Variants in CCSER1 observed in about 807,000 individuals in gnomAD.
CCSER1 encodes the protein serine-rich coiled-coil domain-containing protein 1.
In CCSER1, 41 loss-of-function variants were observed where a neutral mutation model predicts 82.0. The observed-to-expected ratio is 0.50, with a 90% confidence interval of 0.39 to 0.65. The LOEUF is 0.65. Ranked by LOEUF, CCSER1 falls within the 30% of genes least tolerant of loss-of-function variation. The probability of loss-of-function intolerance (pLI) is 0.00; values close to 1 mark genes in which losing one functional copy is unlikely to be tolerated. For missense variants in CCSER1, 1,119 were observed against 1,064.2 expected (o/e 1.05, Z -0.72); for synonymous variants, 414 against 383.9 (o/e 1.08, Z -0.92).
At chr4:90,546,146 A>G (rs1307292239) in intron 5 of CCSER1, among the ~76,000 whole-genome samples, 1 of 152,094 alleles carries the variant, frequency 6.6e-6, no homozygotes, top group African/African-American at 2.4e-5. Context: ...TAGACCTAAG[A>G]AAGTGAAGCT....
At chr4:90,451,914 A>G (rs570891949) in intron 4 of CCSER1, among the ~76,000 whole-genome samples, 1 of 152,298 alleles carries the variant, frequency 6.6e-6, no homozygotes, top group Admixed American at 6.5e-5. Context: ...ACTTAATGAG[A>G]GACCCATTGG....
chr4:90,814,446 T>C (rs1758742389), intron 7 of CCSER1, among the ~76,000 whole-genome samples: 1 of 152,234 alleles, frequency 6.6e-6, no homozygotes, highest in Non-Finnish European at 1.5e-5. Flanking sequence ...TGCAGTCATC[T>C]TGAATTTTTC....
At chr4:91,597,086 AT>A (rs1707159914) in intron 10 of CCSER1, among the ~76,000 whole-genome samples, 1 of 152,008 alleles carries the variant, frequency 6.6e-6, no homozygotes, top group Non-Finnish European at 1.5e-5. Context: ...TTTTAGAAAA[AT>A]GTGATGAAGT....
intron 10 of CCSER1, among the ~76,000 whole-genome samples, chr4:91,096,675 C>T (rs1228861449): frequency 2.6e-5 from 4 of 152,124 alleles, no homozygotes; most frequent in East Asian, 3.9e-4. Context: ...ATAGTGACTC[C>T]ATAGTCTCCT....
chr4:90,354,504 C>T (rs1476903689), intron 3 of CCSER1, among the ~76,000 whole-genome samples: 3 of 151,952 alleles, frequency 2.0e-5, no homozygotes, highest in African/African-American at 7.3e-5. Flanking sequence ...CACACAAACA[C>T]ACACACGCAC....
chr4:90,219,672 T>C (rs1174816235), intron 1 of CCSER1, among the ~76,000 whole-genome samples: 1 of 152,136 alleles, frequency 6.6e-6, no homozygotes, highest in African/African-American at 2.4e-5. Flanking sequence ...CCACTACTTG[T>C]ATTGGGCATA....
chr4:90,623,915 C>CAGGAGA (rs2148892924), intron 5 of CCSER1, among the ~76,000 whole-genome samples: 1 of 152,236 alleles, frequency 6.6e-6, no homozygotes, highest in Admixed American at 6.5e-5. Context: ...TTGTGCTGGT[C>CAGGAGA]TTAGAATTAT....
At chr4:90,466,923 T>A (rs987606836) in intron 4 of CCSER1, among the ~76,000 whole-genome samples, 5 of 152,158 alleles carry the variant, frequency 3.3e-5, no homozygotes, top group African/African-American at 1.2e-4. Context: ...TCATAGACAA[T>A]TGAAATAGCC....
intron 7 of CCSER1, among the ~76,000 whole-genome samples, chr4:90,727,013 T>C (rs542320730): frequency 6.6e-6 from 1 of 152,160 alleles, no homozygotes; most frequent in Non-Finnish European, 1.5e-5. Flanking sequence ...CTTCCACATA[T>C]ACTACACATA....
chr4:91,463,045 G>A (rs182481309), intron 10 of CCSER1, among the ~76,000 whole-genome samples: 1,580 of 152,210 alleles, frequency 0.01, 12 homozygotes, highest in Middle Eastern at 0.02. Flanking sequence ...ATATGAGAAC[G>A]GACAGACTGC....
chr4:91,566,160 G>A (rs1762876622), intron 10 of CCSER1, among the ~76,000 whole-genome samples: 1 of 152,058 alleles, frequency 6.6e-6, no homozygotes, highest in Non-Finnish European at 1.5e-5. Context: ...TGTGGTTTTT[G>A]TCTTTAGTTC....
intron 10 of CCSER1, among the ~76,000 whole-genome samples, chr4:91,491,479 C>T (rs1206277542): frequency 6.6e-6 from 1 of 151,842 alleles, no homozygotes; most frequent in African/African-American, 2.4e-5. Flanking sequence ...AATAATGCAA[C>T]AAAATGAAGA....
At chr4:91,430,354 C>T (rs1049136006) in intron 10 of CCSER1, among the ~76,000 whole-genome samples, 7 of 152,120 alleles carry the variant, frequency 4.6e-5, no homozygotes, top group Non-Finnish European at 1.0e-4. Context: ...TTATTTGAAA[C>T]GTATTAGATT....
At chr4:90,933,180 T>TGTGA (rs1730442541) in intron 9 of CCSER1, among the ~76,000 whole-genome samples, 1 of 102,642 alleles carries the variant, frequency 9.7e-6, no homozygotes, top group Admixed American at 1.0e-4. Context: ...TGTGTGTGTG[T>TGTGA]GTGATTTTAT....
At chr4:90,724,736 A>G in intron 7 of CCSER1, 1 of 324,598 alleles carries the variant, frequency 3.1e-6, no homozygotes, top group Non-Finnish European at 6.1e-6. Flanking sequence ...CACTGATTTC[A>G]GTATAGTTTG....
At chr4:90,792,021 T>C (rs576089456) in intron 7 of CCSER1, among the ~76,000 whole-genome samples, 6 of 152,358 alleles carry the variant, frequency 3.9e-5, no homozygotes, top group African/African-American at 1.4e-4. Flanking sequence ...GGTATGCCCA[T>C]ATATAGTATT....
chr4:90,598,365 C>T (rs564891655), intron 5 of CCSER1, among the ~76,000 whole-genome samples: 11 of 152,178 alleles, frequency 7.2e-5, no homozygotes, highest in Admixed American at 6.6e-4. Flanking sequence ...GTGTGCTGCA[C>T]CCATTAACTT....
At chr4:90,733,211 T>C (rs1471125960) in intron 7 of CCSER1, among the ~76,000 whole-genome samples, 1 of 152,226 alleles carries the variant, frequency 6.6e-6, no homozygotes, top group Non-Finnish European at 1.5e-5. Flanking sequence ...GCCTGCCTTT[T>C]GGATAAACAT....
chr4:91,331,220 C>T (rs1021505184), intron 10 of CCSER1, among the ~76,000 whole-genome samples: 6 of 152,098 alleles, frequency 3.9e-5, no homozygotes, highest in Admixed American at 6.6e-5. Context: ...AGTTGAATAA[C>T]TCAATTTTTT....
Sources: allele counts gnomAD v4.1 joint callset (sites outside exome capture counted in the v4.1 genomes callset), GRCh38; gene constraint gnomAD v4.1.1; transcripts MANE v1.5; gene names NCBI Gene and HGNC (gene_info 2026-07-23, HGNC 2026-07-21).